The following ANXA5 variants were observed in gnomAD, a reference collection of about 807,000 sequenced individuals.
ANXA5 encodes the protein CBP-I.
A neutral mutation model predicts 48.1 loss-of-function variants in ANXA5; 40 were observed. The observed-to-expected ratio is 0.83, with a 90% CI of 0.65 to 1.08. The LOEUF (loss-of-function observed/expected upper bound fraction) is 1.08, where lower values mean the gene tolerates loss of function less well. Among genes scored for constraint, ANXA5 ranks in the 50% least tolerant of loss-of-function variants. The probability of loss-of-function intolerance (pLI) is 0.00; values close to 1 mark genes in which losing one functional copy is unlikely to be tolerated. For missense variants in ANXA5, 357 were observed against 376.8 expected, an observed-to-expected ratio of 0.95 and a Z score of 0.44; for synonymous variants, 113 against 129.1, an observed-to-expected ratio of 0.88 and a Z score of 0.85.
chr4:121,668,553 C>T lies in ANXA5; in HGVS notation c.904-26G>A, dbSNP rs372825639. On this transcript the variant is annotated intron_variant, in intron 12 of 12. Coordinates refer to ENST00000296511, the MANE Select transcript of ANXA5 (RefSeq NM_001154.4). The stretch of plus-strand genomic sequence containing the variant: ...CTGAAACCAAATGTATTCCATTAAC[C>T]TCCATGACTCACAGAAGCCATAGAA... The T allele has an allele frequency of 1.9e-6, 3 of 1,601,818 alleles. No homozygotes were observed. In the African/African-American group the frequency reaches 4.0e-5, roughly 21 times the overall value.
chr4:121,676,490 T>C (rs888821604), intron 8 of ANXA5, among the ~76,000 whole-genome samples: 10 of 152,112 alleles, frequency 6.6e-5, no homozygotes, highest in Admixed American at 5.2e-4. Flanking sequence ...TCTTTATCCA[T>C]AAAAGGGAAA....
intron 10 of ANXA5, among the ~76,000 whole-genome samples, chr4:121,671,102 C>A (rs1724604027): frequency 6.6e-6 from 1 of 152,186 alleles, no homozygotes; most frequent in Non-Finnish European, 1.5e-5. Flanking sequence ...TTGAAAACAA[C>A]CATCATCACA....
In ANXA5 at chr4:121,696,861, A is replaced by C; in HGVS notation, c.-36+2T>G. 3 of 334,162 alleles carry C rather than the reference A, an allele frequency of 9.0e-6. No homozygotes were observed. The highest frequency in any genetic ancestry group is 5.4e-6 in the Non-Finnish European group (1 of 184,820). The allele number at this position is 334,162 out of a possible 1,614,324, so 20.7% of individuals were successfully genotyped here. ...CCCCCTCCCCGGGCTGCGACCACTCACCCAGACTGTGGGACCCAAGTGCCC... is the reference window on the plus strand; with the variant it reads ...CCCCCTCCCCGGGCTGCGACCACTCCCCCAGACTGTGGGACCCAAGTGCCC... On this transcript the variant is annotated splice_donor_variant, in intron 1 of 12. Transcript: ENST00000296511. LOFTEE classifies it low-confidence loss of function (5UTR_SPLICE).
chr4:121,694,705 T>C (rs1454501383), intron 2 of ANXA5, among the ~76,000 whole-genome samples: 3 of 152,254 alleles, frequency 2.0e-5, no homozygotes, highest in African/African-American at 7.2e-5. Flanking sequence ...TTTAACAAAA[T>C]GTTTTACTTT....
chr4:121,684,891 T>C (rs1373564369), intron 3 of ANXA5, 120 bp from the exon 4 acceptor site: 2 of 729,350 alleles, frequency 2.7e-6, no homozygotes, highest in Non-Finnish European at 4.6e-6. Context: ...ATATAAAATA[T>C]ATTTTATGGC....
At chr4:121,684,620 A>G in intron 4 of ANXA5, 57 bp downstream of exon 4, 2 of 1,395,886 alleles carry the variant, frequency 1.4e-6, no homozygotes, top group Non-Finnish European at 2.0e-6. Context: ...ATTCCAAACT[A>G]GTCTTATAAC....
chr4:121,669,167 A>T (rs1428704081), intron 12 of ANXA5: 1 of 158,230 alleles, frequency 6.3e-6, no homozygotes, highest in African/African-American at 2.4e-5. Context: ...CTTTACTCCC[A>T]ATATGACCTG....
intron 12 of ANXA5, chr4:121,669,339 T>G: frequency 2.7e-6 from 1 of 366,170 alleles, no homozygotes; most frequent in Non-Finnish European, 4.9e-6. Context: ...GGGGTTTGGT[T>G]TGTTGAGTCA....
In ANXA5 at chr4:121,681,625, A is replaced by G. The variant is rs1327736542; in HGVS notation, c.394+46T>C. 2.3e-6 allele frequency: 3 copies of G among 1,289,700 alleles called. No individual in the cohort carries two copies. The African/African-American group carries it at 4.4e-5, about 19-fold the overall frequency. The allele number at this position is 1,289,700 out of a possible 1,614,324, so 79.9% of individuals were successfully genotyped here. ...TGCATTCAAATCACAGAAATGAAGG[A>G]AGTGATAGTGGAGGTGAAGTCAAAA... On this transcript the variant is annotated intron_variant, in intron 6 of 12. Coordinates refer to ENST00000296511, the MANE Select transcript of ANXA5 (RefSeq NM_001154.4).
intron 6 of ANXA5, among the ~76,000 whole-genome samples, chr4:121,679,098 T>A (rs1724748337): frequency 1.3e-5 from 2 of 151,820 alleles, no homozygotes; most frequent in Admixed American, 1.3e-4. Context: ...CTCAAACAGA[T>A]GCTATTAAAG....
chr4:121,690,933 A>G (rs147915988), intron 2 of ANXA5, among the ~76,000 whole-genome samples: 5 of 152,352 alleles, frequency 3.3e-5, no homozygotes, highest in Non-Finnish European at 7.3e-5. Context: ...ATGAGTAAGA[A>G]GGGCAGAACC....
intron 2 of ANXA5, among the ~76,000 whole-genome samples, chr4:121,690,865 C>G (rs2110491112): frequency 6.6e-6 from 1 of 152,288 alleles, no homozygotes; most frequent in South Asian, 2.1e-4. Flanking sequence ...TCAGAGTCAT[C>G]CACTAAGGAT....
In ANXA5 at chr4:121,671,550, C is replaced by T; in HGVS notation, c.718G>A (p.Val240Ile). The T allele has an allele frequency of 6.2e-7, 1 of 1,608,756 alleles. No individual in the cohort carries two copies. Among genetic ancestry groups the T allele is most frequent in the Non-Finnish European group, 8.5e-7 (1 of 1,175,288 alleles). ...CAATACATTGTAAATCACCTACCAA[C>T]AGCAAGGAGTAGTTGCTCTAAATTG... ...SGNLEQLLLAVVKSIRSIPAY... is the reference protein window; with the variant it reads ...SGNLEQLLLAIVKSIRSIPAY... Residue 240 changes from valine (V) to isoleucine (I), a missense_variant, in exon 10 of 13, where the codon GTT (valine) becomes ATT (isoleucine). Transcript: ENST00000296511.
intron 2 of ANXA5, among the ~76,000 whole-genome samples, chr4:121,693,973 C>T (rs960344328): frequency 6.6e-6 from 1 of 151,970 alleles, no homozygotes; most frequent in Non-Finnish European, 1.5e-5. Context: ...TAATTTTAAA[C>T]CAACCGAAAA....
At chr4:121,674,261 A>G (rs1724660787) in intron 8 of ANXA5, among the ~76,000 whole-genome samples, 1 of 70,020 alleles carries the variant, frequency 1.4e-5, no homozygotes. Context: ...GAGAGGGGAT[A>G]GGAAGGAGAA....
rs748629904 is a variant in ANXA5 at position 121,669,971 on chromosome 4, G to T, written c.763C>A (p.Leu255Ile). ...RSIPAYLAET[L>I]YYAMKGAGTD... is the part of the protein sequence containing the mutation. ...CCACTTACCTTCATAGCATAATAGAGGGTCTCTGCAAGGTAGGCAGGTATA... is the reference window on the plus strand; with the variant it reads ...CCACTTACCTTCATAGCATAATAGATGGTCTCTGCAAGGTAGGCAGGTATA... The change falls in exon 11 of 13, where the codon CTC (leucine) becomes ATC (isoleucine). Residue 255 changes from leucine to isoleucine, a missense_variant. Coordinates refer to ENST00000296511, the MANE Select transcript of ANXA5 (RefSeq NM_001154.4). The T allele has an allele frequency of 6.9e-6, 11 of 1,603,956 alleles. No individual in the cohort carries two copies. The Admixed American group carries it at 1.9e-4, about 28-fold the overall frequency.
At chr4:121,693,428 A>C (rs567992702) in intron 2 of ANXA5, among the ~76,000 whole-genome samples, 1 of 152,326 alleles carries the variant, frequency 6.6e-6, no homozygotes, top group African/African-American at 2.4e-5. Context: ...CATTTGTGAA[A>C]TTTTAGAATA....
chr4:121,678,164 A>G, intron 7 of ANXA5: 1 of 609,658 alleles, frequency 1.6e-6, no homozygotes, highest in Non-Finnish European at 2.9e-6. Context: ...AAAGAACAAG[A>G]TACCGCTATC....
intron 2 of ANXA5, among the ~76,000 whole-genome samples, chr4:121,688,891 C>T (rs1348952925): frequency 3.3e-5 from 5 of 152,154 alleles, no homozygotes; most frequent in African/African-American, 1.2e-4. Flanking sequence ...CTCTCTCCCA[C>T]TTGTCTCGTG....
Sources: allele counts gnomAD v4.1 joint callset (sites outside exome capture counted in the v4.1 genomes callset), GRCh38; gene constraint gnomAD v4.1.1; transcripts MANE v1.5; gene names NCBI Gene and HGNC (gene_info 2026-07-23, HGNC 2026-07-21).